The following CPD variants were observed in gnomAD, a reference collection of about 807,000 sequenced individuals.
CPD encodes the protein carboxypeptidase D.
A neutral mutation model predicts 138.3 loss-of-function variants in CPD; 69 were observed. The ratio of observed to expected loss-of-function variants is 0.50; its 90% CI spans 0.41 to 0.61. CPD has a LOEUF of 0.61. Ranked by LOEUF, CPD falls within the 20% of genes least tolerant of loss-of-function variation. CPD has a pLI of 0.00. For missense variants in CPD, 1,432 were observed against 1,733.3 expected (o/e 0.83, Z 3.09); for synonymous variants, 651 against 642.1 (o/e 1.01, Z -0.21).
intron 8 of CPD, among the ~76,000 whole-genome samples, chr17:30,435,912 C>T (rs1912688195): frequency 6.6e-6 from 1 of 152,160 alleles, no homozygotes; most frequent in Non-Finnish European, 1.5e-5. Flanking sequence ...GTGCATCACT[C>T]CAACCCTTCA....
At chr17:30,435,689 G>C (rs907713668) in intron 8 of CPD, among the ~76,000 whole-genome samples, 3 of 152,100 alleles carry the variant, frequency 2.0e-5, no homozygotes, top group Non-Finnish European at 4.4e-5. Context: ...AAAAAAAACT[G>C]TATTTGTTTC....
chr17:30,460,952 T>C (rs756847014), intron 17 of CPD, among the ~76,000 whole-genome samples: 9 of 152,226 alleles, frequency 5.9e-5, no homozygotes, highest in Non-Finnish European at 1.2e-4. Context: ...GCACTGAAGA[T>C]AGGAAAATGA....
intron 14 of CPD, chr17:30,454,075 A>T (rs1288982512): frequency 6.6e-6 from 1 of 152,068 alleles, no homozygotes; most frequent in Admixed American, 6.5e-5. Context: ...CATGGCCTGG[A>T]GACATTTTCC....
In CPD at chr17:30,469,241, T is replaced by C. The variant is rs1039584876; in HGVS notation, c.*4427T>C. ...TAAATGGAAATAGGTTATATTTCAA[T>C]AGTGATTGGTTCATCTAAAAGTCTC... On this transcript the variant is annotated 3_prime_UTR_variant, in exon 21 of 21. Coordinates refer to ENST00000225719, the MANE Select transcript of CPD (RefSeq NM_001304.5). 1.3e-5 allele frequency: 2 copies of C among 152,228 alleles called. No individual in the cohort carries two copies. The highest frequency in any genetic ancestry group is 2.9e-5 in the Non-Finnish European group (2 of 68,032). 9.4% of individuals were successfully genotyped at this position (152,228 alleles called of 1,614,324 possible). A position where few individuals can be genotyped will look rare whatever the true frequency, so the allele number is the denominator to read the frequency against.
intron 15 of CPD, chr17:30,456,025 G>C (rs1913283772): frequency 2.0e-6 from 1 of 497,366 alleles, no homozygotes; most frequent in African/African-American, 1.9e-5. Context: ...ATTTTAGTGT[G>C]ATAGTCTGTT....
chr17:30,457,964 G>A (rs1195072680), intron 17 of CPD, among the ~76,000 whole-genome samples: 7 of 152,064 alleles, frequency 4.6e-5, no homozygotes, highest in East Asian at 1.9e-4. Flanking sequence ...AGGCCGAGGC[G>A]GGAGGATCAC....
Position 30,427,443 on chromosome 17 carries a change from C to T in CPD, c.1902C>T (p.Asn634=). 1 of 1,614,118 alleles carries T rather than the reference C, an allele frequency of 6.2e-7. No homozygotes were observed. Among genetic ancestry groups the T allele is most frequent in the Non-Finnish European group, 8.5e-7 (1 of 1,179,994 alleles). ...GRNNSNNFDL[N]RNFPDQFVQI... is the part of the protein sequence containing the mutation. ...ACAACAGCAACAACTTTGACCTGAA[C>T]CGAAATTTCCCAGACCAGTTTGTTC... Residue 634 remains asparagine (N), a synonymous_variant, in exon 7 of 21, where the codon AAC becomes AAT. Transcript: ENST00000225719.
chr17:30,429,915 G>A (rs1006578201), intron 7 of CPD, among the ~76,000 whole-genome samples: 52 of 152,184 alleles, frequency 3.4e-4, no homozygotes, highest in East Asian at 1.2e-3. Flanking sequence ...CCTTTCTCAC[G>A]GGAAATTTAT....
intron 12 of CPD, among the ~76,000 whole-genome samples, chr17:30,446,566 A>G (rs1913037244): frequency 6.6e-6 from 1 of 152,202 alleles, no homozygotes; most frequent in Non-Finnish European, 1.5e-5. Flanking sequence ...TTCTTAATCC[A>G]GTCTATCATT....
chr17:30,455,997 A>C, intron 15 of CPD: 1 of 437,112 alleles, frequency 2.3e-6, no homozygotes, highest in Non-Finnish European at 4.1e-6. Context: ...GCAGTAAGAC[A>C]TACCAAAACA....
chr17:30,446,025 G>A lies in CPD; in HGVS notation c.2873+5G>A, dbSNP rs1431143738. On this transcript the variant is annotated splice_donor_5th_base_variant and intron_variant, in intron 12 of 20. Transcript: ENST00000225719. Reference sequence around the variant, plus strand: ...ACATATTACAAATCTTACCAAGTAAGTGTCACTTTCTATTGTCTTTTTTTT... The same window carrying A: ...ACATATTACAAATCTTACCAAGTAAATGTCACTTTCTATTGTCTTTTTTTT... 9 of 1,495,860 alleles carry A rather than the reference G, an allele frequency of 6.0e-6. No homozygotes were observed. Among genetic ancestry groups the A allele is most frequent in the Non-Finnish European group, 7.2e-6 (8 of 1,105,012 alleles). 92.7% of individuals were successfully genotyped at this position (1,495,860 alleles called of 1,614,324 possible).
At chr17:30,384,465 C>T (rs957977839) in intron 1 of CPD, among the ~76,000 whole-genome samples, 7 of 152,052 alleles carry the variant, frequency 4.6e-5, no homozygotes, top group South Asian at 2.1e-4. Flanking sequence ...AAATACAAGT[C>T]GTAGACTGAA....
chr17:30,379,458 T>C lies in CPD; in HGVS notation c.478T>C (p.Tyr160His). ...IYLARELAAG[Y>H]RRGDPRLVRL... ...CTTGGCCCGCGAGCTGGCGGCCGGC[T>C]ACCGCCGCGGGGACCCGCGCCTGGT... Residue 160 changes from tyrosine to histidine, a missense_variant, in exon 1 of 21, where the codon TAC becomes CAC. Around this residue, in one of 6 missense-constraint regions of CPD, gnomAD observed 484 missense variants for 477.2 expected, o/e 1.01. Coordinates refer to ENST00000225719, the MANE Select transcript of CPD (RefSeq NM_001304.5). The surrounding 1 kb of genome is among the most constrained non-coding windows in gnomAD (Gnocchi z 7.0). 1 of 1,572,552 alleles carries C rather than the reference T, an allele frequency of 6.4e-7. No individual in the cohort carries two copies. Among genetic ancestry groups the C allele is most frequent in the Non-Finnish European group, 8.6e-7 (1 of 1,166,428 alleles).
chr17:30,457,140 C>G (rs1199824452), intron 17 of CPD, among the ~76,000 whole-genome samples: 1 of 152,134 alleles, frequency 6.6e-6, no homozygotes, highest in Non-Finnish European at 1.5e-5. Context: ...CCCTATTCCC[C>G]TCTCCCACGG....
chr17:30,413,304 A>G (rs1459557238), intron 2 of CPD, among the ~76,000 whole-genome samples: 1 of 152,240 alleles, frequency 6.6e-6, no homozygotes, highest in Non-Finnish European at 1.5e-5. Context: ...GACTAATATC[A>G]TAATGACTAA....
chr17:30,430,480 A>G (rs1912533782), intron 7 of CPD, among the ~76,000 whole-genome samples: 1 of 152,118 alleles, frequency 6.6e-6, no homozygotes, highest in Non-Finnish European at 1.5e-5. Context: ...ATTCCTTTCT[A>G]TGGTTGAATA....
chr17:30,379,622 C>A lies in CPD; in HGVS notation c.642C>A (p.Arg214=). Residue 214 remains arginine (R), a synonymous_variant, in exon 1 of 21, where the codon CGC becomes CGA. Transcript: ENST00000225719. This position sits in a 1 kb window ranked among gnomAD's most constrained non-coding sequence, Gnocchi z 7.0. ...GASGRDNSRG[R]DLNRSFPDQF... ...GCGGCCGCGACAATAGTCGCGGCCG[C>A]GACCTCAACCGAAGCTTTCCCGACC... 6.7e-7 allele frequency: 1 copy of A among 1,486,520 alleles called. No individual in the cohort carries two copies. Among genetic ancestry groups the A allele is most frequent in the Non-Finnish European group, 8.8e-7 (1 of 1,134,168 alleles). 92.1% of individuals were successfully genotyped at this position (1,486,520 alleles called of 1,614,324 possible). A position where few individuals can be genotyped will look rare whatever the true frequency, so the allele number is the denominator to read the frequency against.
In CPD at chr17:30,455,354, C is replaced by G. The variant is rs771402271; in HGVS notation, c.3221C>G (p.Pro1074Arg). 4 of 1,611,824 alleles carry G rather than the reference C, an allele frequency of 2.5e-6. No individual in the cohort carries two copies. The Admixed American group carries it at 6.7e-5, about 27-fold the overall frequency. The change falls in exon 15 of 21, where the codon CCT (proline) becomes CGT (arginine). Residue 1074 changes from proline to arginine, a missense_variant. Physicochemically the swap from Pro to Arg is moderately radical, Grantham distance 103. Transcript: ENST00000225719. ...DTDFTNNASQPETKAIIENLI... is the reference protein window; with the variant it reads ...DTDFTNNASQRETKAIIENLI... ...TCTTTTTTAGATAATGCCTCCCAAC[C>G]TGAGACCAAAGCCATCATTGAAAAT...
chr17:30,437,367 T>A (rs1912729728), intron 8 of CPD, among the ~76,000 whole-genome samples: 2 of 151,950 alleles, frequency 1.3e-5, no homozygotes, highest in Admixed American at 1.3e-4. Flanking sequence ...TATTCGTATA[T>A]AAGTTAAAAA....
Sources: gnomAD v4.1 joint callset for allele counts (sites outside exome capture counted in the v4.1 genomes callset) on GRCh38, gnomAD v4.1.1 for gene constraint, gnomAD v4.1.1 regional missense constraint, Gnocchi (gnomAD v3.1) non-coding constraint, MANE v1.5 for transcripts, NCBI Gene and HGNC (gene_info 2026-07-23, HGNC 2026-07-21) for gene names.